Variants in ZNF189 observed in about 807,000 individuals in gnomAD.
The protein encoded by ZNF189 is zinc finger protein 189.
A neutral mutation model predicts 53.5 loss-of-function variants in ZNF189; 33 were observed. That is an observed-to-expected ratio of 0.62 (90% CI 0.47 to 0.82). ZNF189 has a LOEUF of 0.82. ZNF189 is among the 40% of genes least tolerant of loss of function. The pLI is 0.00. For synonymous variants in ZNF189, 247 were observed against 238.8 expected, an observed-to-expected ratio of 1.03 and a Z score of -0.32; for missense variants, 711 against 753.9, an observed-to-expected ratio of 0.94 and a Z score of 0.67.
In ZNF189 at chr9:101,408,033, A is replaced by G; in HGVS notation, c.265A>G (p.Ser89Gly). 1 of 1,613,874 alleles carries G rather than the reference A, an allele frequency of 6.2e-7. No homozygotes were observed. The highest frequency in any genetic ancestry group is 8.5e-7 in the Non-Finnish European group (1 of 1,179,938). ...PQGVIVTRIKSEIDQDPMGRE... is the reference protein window; with the variant it reads ...PQGVIVTRIKGEIDQDPMGRE... ...GGGTGTAATAGTTACAAGAATCAAA[A>G]GTGAAATTGACCAGGATCCTATGGG... Residue 89 changes from serine (S) to glycine (G), a missense_variant, in exon 3 of 3, where the codon AGT (serine) becomes GGT (glycine). Physicochemically the swap from Ser to Gly is moderately conservative, Grantham distance 56. Coordinates refer to ENST00000339664, the MANE Select transcript of ZNF189 (RefSeq NM_003452.4).
chr9:101,401,328 A>C (rs1040155044), intron 2 of ZNF189, among the ~76,000 whole-genome samples: 2 of 152,190 alleles, frequency 1.3e-5, no homozygotes, highest in East Asian at 3.9e-4. Flanking sequence ...TCTGTTTCTC[A>C]GAGAAAATAA....
intron 1 of ZNF189, chr9:101,399,667 G>C: frequency 8.2e-7 from 1 of 1,220,474 alleles, no homozygotes; most frequent in Non-Finnish European, 1.1e-6. Flanking sequence ...AACTCTCAGG[G>C]CATAATAAAT....
intron 2 of ZNF189, among the ~76,000 whole-genome samples, chr9:101,401,947 T>C (rs1404596471): frequency 2.0e-5 from 3 of 151,578 alleles, no homozygotes; most frequent in African/African-American, 7.3e-5. Flanking sequence ...CATAGCCTCA[T>C]TCTGTTGCCC....
chr9:101,407,066 T>A (rs1043437450), intron 2 of ZNF189, among the ~76,000 whole-genome samples: 1 of 152,240 alleles, frequency 6.6e-6, no homozygotes, highest in African/African-American at 2.4e-5. Context: ...TGTTTCTTAA[T>A]ACTTATTTTA....
chr9:101,403,527 ACTTTTC>A (rs1054465947), intron 2 of ZNF189, among the ~76,000 whole-genome samples: 3 of 152,094 alleles, frequency 2.0e-5, no homozygotes, highest in Admixed American at 6.5e-5. Context: ...TTTCATTCAT[ACTTTTC>A]CTTTTCAAGC....
intron 1 of ZNF189, chr9:101,399,633 C>T (rs1037608906): frequency 1.5e-6 from 2 of 1,297,962 alleles, no homozygotes; most frequent in Non-Finnish European, 2.0e-6. Flanking sequence ...CTTGGAGAGG[C>T]CTTGGGGCAG....
At chr9:101,407,072 T>C (rs761646021) in intron 2 of ZNF189, among the ~76,000 whole-genome samples, 63 of 152,248 alleles carry the variant, frequency 4.1e-4, no homozygotes, top group Admixed American at 5.9e-4. Flanking sequence ...TTAATACTTA[T>C]TTTATTCTGC....
At chr9:101,399,262 C>G in intron 1 of ZNF189, 73 bp downstream of exon 1, 1 of 1,398,952 alleles carries the variant, frequency 7.1e-7, no homozygotes, top group South Asian at 1.3e-5. Context: ...CTGCTTTCTC[C>G]CCCAGGCCCC....
In ZNF189 at chr9:101,409,057, A is replaced by G. The variant is rs201228134; in HGVS notation, c.1289A>G (p.Tyr430Cys). ...CACACCAGGGAGAAGACTTATCCATACAATGAAACTAAGGAAAGTTTTGAT... is the reference window on the plus strand; with the variant it reads ...CACACCAGGGAGAAGACTTATCCATGCAATGAAACTAAGGAAAGTTTTGAT... ...RIHTREKTYP[Y>C]NETKESFDPN... The change falls in exon 3 of 3, where the codon TAC becomes TGC. Residue 430 changes from tyrosine to cysteine, a missense_variant. Transcript: ENST00000339664. 3 of 1,614,042 alleles carry G rather than the reference A, an allele frequency of 1.9e-6. No homozygotes were observed. Among genetic ancestry groups the G allele is most frequent in the Non-Finnish European group, 2.5e-6 (3 of 1,179,984 alleles).
Position 101,408,183 on chromosome 9 carries a change from A to C in ZNF189, c.415A>C (p.Lys139Gln). Residue 139 changes from lysine (K) to glutamine (Q), a missense_variant, in exon 3 of 3, where the codon AAA (lysine) becomes CAA (glutamine). By Grantham distance (53) the Lys-to-Gln change is moderately conservative. Transcript: ENST00000339664. ...MFRENTNIIR[K>Q]RPNSEEKCHK... is the part of the protein sequence containing the mutation. ...CAGAGAAAACACTAACATTATCCGT[A>C]AAAGACCAAACTCAGAAGAGAAATG... is the stretch of plus-strand genomic sequence containing the variant. The C allele has an allele frequency of 6.2e-7, 1 of 1,614,198 alleles. No homozygotes were observed. Among genetic ancestry groups the C allele is most frequent in the South Asian group, 1.1e-5 (1 of 91,088 alleles).
At chr9:101,399,571 G>C (rs1467729761) in intron 1 of ZNF189, 1 of 1,290,994 alleles carries the variant, frequency 7.7e-7, no homozygotes, top group African/African-American at 1.5e-5. Context: ...ATTGAATAGA[G>C]TCACAAGCCA....
intron 1 of ZNF189, 186 bp downstream of exon 1, chr9:101,399,375 T>C: frequency 7.7e-7 from 1 of 1,302,524 alleles, no homozygotes; most frequent in Non-Finnish European, 9.8e-7. Context: ...CTGGCTCCCT[T>C]TTTTTTTTTC....
In ZNF189 at chr9:101,407,660, G is replaced by A. The variant is rs1480459502; in HGVS notation, c.161-269G>A. The A allele has an allele frequency of 1.8e-5, 8 of 432,678 alleles. No individual in the cohort carries two copies. The South Asian group carries it at 6.7e-4, about 36-fold the overall frequency. 26.8% of individuals were successfully genotyped at this position (432,678 alleles called of 1,614,324 possible). ...TCCTCCCACCTCACTCTCCCAAAATGCTGGGATTACAGGCATGAGCCACTA... is the reference window on the plus strand; with the variant it reads ...TCCTCCCACCTCACTCTCCCAAAATACTGGGATTACAGGCATGAGCCACTA... On this transcript the variant is annotated intron_variant, in intron 2 of 2. Transcript: ENST00000339664.
intron 2 of ZNF189, among the ~76,000 whole-genome samples, chr9:101,401,293 C>T (rs1403421104): frequency 2.0e-5 from 3 of 152,138 alleles, no homozygotes; most frequent in Admixed American, 2.0e-4. Flanking sequence ...AAAGCTTATC[C>T]ATCATTAAGT....
intron 2 of ZNF189, among the ~76,000 whole-genome samples, chr9:101,405,095 A>G (rs1489551114): frequency 6.6e-6 from 1 of 152,226 alleles, no homozygotes; most frequent in Non-Finnish European, 1.5e-5. Flanking sequence ...ATTTGCCTAC[A>G]TAAAGTATGA....
intron 2 of ZNF189, among the ~76,000 whole-genome samples, chr9:101,405,265 C>T (rs1304507681): frequency 2.0e-5 from 3 of 152,224 alleles, no homozygotes; most frequent in Middle Eastern, 3.4e-3. Flanking sequence ...CTTCTAGAAT[C>T]AGTAAGGCAT....
intron 2 of ZNF189, among the ~76,000 whole-genome samples, chr9:101,406,444 A>G (rs1830712759): frequency 6.6e-6 from 1 of 152,162 alleles, no homozygotes; most frequent in African/African-American, 2.4e-5. Flanking sequence ...TTTATGTACC[A>G]TTGGCAGATA....
At chr9:101,400,431 C>A (rs1191468461) in intron 2 of ZNF189, among the ~76,000 whole-genome samples, 2 of 152,174 alleles carry the variant, frequency 1.3e-5, no homozygotes, top group Non-Finnish European at 2.9e-5. Context: ...CCACATCCTC[C>A]TCCTTCCCCA....
At position 101,409,347 on chromosome 9, in the gene ZNF189, C is replaced by T; in HGVS notation, c.1579C>T (p.Leu527Phe). 6.2e-7 allele frequency: 1 copy of T among 1,614,150 alleles called. No homozygotes were observed. Among genetic ancestry groups the T allele is most frequent in the East Asian group, 2.2e-5 (1 of 44,868 alleles). Residue 527 changes from leucine (L) to phenylalanine (F), a missense_variant, in exon 3 of 3, where the codon CTT becomes TTT. Coordinates refer to ENST00000339664, the MANE Select transcript of ZNF189 (RefSeq NM_003452.4). Reference sequence around the variant, plus strand: ...AAAAAGCTTTAGTCAGCTTTGTAATCTTATTCGACATCAGGGTGTTCACAC... The same window carrying T: ...AAAAAGCTTTAGTCAGCTTTGTAATTTTATTCGACATCAGGGTGTTCACAC... ...CGKSFSQLCN[L>F]IRHQGVHTGN... is the part of the protein sequence containing the mutation.
Sources: allele counts gnomAD v4.1 joint callset (sites outside exome capture counted in the v4.1 genomes callset), GRCh38; gene constraint gnomAD v4.1.1; transcripts MANE v1.5; gene names NCBI Gene and HGNC (gene_info 2026-07-23, HGNC 2026-07-21).